R3HDM2: variants seen among roughly 807,000 people sequenced by gnomAD.
R3HDM2 encodes the protein R3H domain-containing protein 2.
Under a neutral mutation model 124.5 loss-of-function variants are expected in R3HDM2, and 38 were observed. The ratio of observed to expected loss-of-function variants is 0.31; its 90% CI spans 0.24 to 0.40. The LOEUF (loss-of-function observed/expected upper bound fraction) is 0.40. R3HDM2 is among the 10% of genes least tolerant of loss of function. R3HDM2 has a pLI of 1.00. For synonymous variants in R3HDM2, 391 were observed against 448.0 expected, an observed-to-expected ratio of 0.87 and a Z score of 1.61; for missense variants, 869 against 1,236.9, an observed-to-expected ratio of 0.70 and a Z score of 4.46.
intron 6 of R3HDM2, among the ~76,000 whole-genome samples, chr12:57,298,557 G>T (rs73340108): frequency 7.5e-4 from 114 of 151,946 alleles, no homozygotes; most frequent in African/African-American, 2.7e-3. Flanking sequence ...AATCCTGTTT[G>T]CCTTTTCTTA....
At chr12:57,356,903 C>G (rs958743157) in intron 2 of R3HDM2, among the ~76,000 whole-genome samples, 1 of 150,150 alleles carries the variant, frequency 6.7e-6, no homozygotes, top group Admixed American at 6.7e-5. Flanking sequence ...GTCAGGAAAT[C>G]GAGACCATCC....
intron 2 of R3HDM2, among the ~76,000 whole-genome samples, chr12:57,385,245 CTT>C (rs1162752283): frequency 1.1e-4 from 16 of 139,162 alleles, no homozygotes; most frequent in Admixed American, 1.4e-4. Context: ...AACTTAAAGA[CTT>C]TTTTTTTTTT....
intron 14 of R3HDM2, among the ~76,000 whole-genome samples, chr12:57,279,355 G>C (rs947664242): frequency 2.4e-4 from 37 of 151,062 alleles, no homozygotes; most frequent in Admixed American, 2.4e-3. Context: ...GCTAATTTTT[G>C]TATTTTTAGT....
intron 2 of R3HDM2, among the ~76,000 whole-genome samples, chr12:57,337,753 G>C (rs749811623): frequency 1.3e-5 from 2 of 152,090 alleles, no homozygotes; most frequent in Non-Finnish European, 2.9e-5. Context: ...CATGAAGAGG[G>C]TATCTTCTCA....
chr12:57,325,022 G>A (rs914221413), intron 2 of R3HDM2, among the ~76,000 whole-genome samples: 1 of 152,200 alleles, frequency 6.6e-6, no homozygotes, highest in African/African-American at 2.4e-5. Context: ...GAGAGAAGGT[G>A]ACCATCTGGA....
intron 2 of R3HDM2, among the ~76,000 whole-genome samples, chr12:57,346,131 T>C (rs1302936240): frequency 2.3e-5 from 3 of 130,580 alleles, no homozygotes. Flanking sequence ...CACTCCAGCC[T>C]GGGCAACAAG....
Position 57,254,746 on chromosome 12 carries a change from T to C in R3HDM2, c.*27A>G. 9 of 1,482,394 alleles carry C rather than the reference T, an allele frequency of 6.1e-6. No individual in the cohort carries two copies. Among genetic ancestry groups the C allele is most frequent in the Non-Finnish European group, 8.3e-6 (9 of 1,085,476 alleles). 91.8% of individuals were successfully genotyped at this position (1,482,394 alleles called of 1,614,324 possible). ...CCCTCCACCCTGCCCTTGCTCCTTC[T>C]GTGACAGTCCCTTTCCCCTCCTCCA... On this transcript the variant is annotated 3_prime_UTR_variant, in exon 24 of 24. Coordinates refer to ENST00000402412, the MANE Select transcript of R3HDM2 (RefSeq NM_001394031.1).
At chr12:57,343,314 C>T (rs984917029) in intron 2 of R3HDM2, among the ~76,000 whole-genome samples, 2 of 151,370 alleles carry the variant, frequency 1.3e-5, no homozygotes, top group African/African-American at 2.4e-5. Context: ...ATCAGCCTCC[C>T]GAGTAGCTAG....
At chr12:57,308,433 C>T (rs1186891052) in intron 3 of R3HDM2, among the ~76,000 whole-genome samples, 1 of 150,864 alleles carries the variant, frequency 6.6e-6, no homozygotes, top group African/African-American at 2.4e-5. Flanking sequence ...GCCTGCAATC[C>T]CAACACTTAG....
chr12:57,361,324 G>A (rs1397499525), intron 2 of R3HDM2, among the ~76,000 whole-genome samples: 1 of 144,218 alleles, frequency 6.9e-6, no homozygotes, highest in Non-Finnish European at 1.5e-5. Flanking sequence ...GCAGTGAGTC[G>A]AGATCGCGCC....
chr12:57,356,122 G>A (rs1347105348), intron 2 of R3HDM2, among the ~76,000 whole-genome samples: 1 of 152,010 alleles, frequency 6.6e-6, no homozygotes. Flanking sequence ...ATCAGTAAGA[G>A]CAAATACCCA....
intron 2 of R3HDM2, among the ~76,000 whole-genome samples, chr12:57,317,432 G>T (rs549654931): frequency 6.6e-6 from 1 of 151,676 alleles, no homozygotes; most frequent in Non-Finnish European, 1.5e-5. Context: ...CAATCCACCC[G>T]CCTTGGCCTC....
chr12:57,420,519 C>CTTTTTTTTT (rs759872645), intron 1 of R3HDM2, among the ~76,000 whole-genome samples: 1 of 124,902 alleles, frequency 8.0e-6, no homozygotes. Flanking sequence ...TACTGGTTTT[C>CTTTTTTTTT]TTTTTTTTTT....
chr12:57,285,909 T>C (rs563884656), intron 12 of R3HDM2, among the ~76,000 whole-genome samples: 3 of 152,332 alleles, frequency 2.0e-5, no homozygotes, highest in African/African-American at 7.2e-5. Flanking sequence ...AGCACTTCTA[T>C]ACTAATCCAG....
intron 14 of R3HDM2, among the ~76,000 whole-genome samples, 158 bp downstream of exon 14, chr12:57,280,199 CT>C (rs2137883506): frequency 6.6e-6 from 1 of 152,270 alleles, no homozygotes; most frequent in African/African-American, 2.4e-5. Context: ...GCTCAAGGTT[CT>C]TCTTTCCCTA....
intron 2 of R3HDM2, among the ~76,000 whole-genome samples, chr12:57,381,380 T>C (rs1199966520): frequency 6.6e-6 from 1 of 151,898 alleles, no homozygotes; most frequent in Non-Finnish European, 1.5e-5. Flanking sequence ...GGCGAAACCC[T>C]GTTTCTACAA....
In R3HDM2 at chr12:57,422,823, T is replaced by C. The variant is rs78426818; in HGVS notation, c.-106+7897A>G. Among the ~76,000 whole-genome samples, 13 of 151,282 alleles carry C rather than the reference T, an allele frequency of 8.6e-5. No homozygotes were observed. The East Asian group carries it at 2.4e-3, about 27-fold the overall frequency. ...CAGGAAGAACTCATCTCTACAAAATTAAAAAATAAAATTAGCTGGATGTGA... is the reference window on the plus strand; with the variant it reads ...CAGGAAGAACTCATCTCTACAAAATCAAAAAATAAAATTAGCTGGATGTGA... On this transcript the variant is annotated intron_variant, in intron 1 of 23. Transcript: ENST00000402412.
At chr12:57,323,963 C>A (rs2056873723) in intron 2 of R3HDM2, among the ~76,000 whole-genome samples, 1 of 152,076 alleles carries the variant, frequency 6.6e-6, no homozygotes, top group Non-Finnish European at 1.5e-5. Context: ...GAAAGAGACC[C>A]TGAAAGTTCA....
At chr12:57,412,874 G>A (rs911855449) in intron 1 of R3HDM2, among the ~76,000 whole-genome samples, 13 of 151,110 alleles carry the variant, frequency 8.6e-5, no homozygotes, top group South Asian at 2.1e-4. Flanking sequence ...GGCACGGGCC[G>A]GGTGCAGTGG....
Sources: allele counts gnomAD v4.1 joint callset (sites outside exome capture counted in the v4.1 genomes callset), GRCh38; gene constraint gnomAD v4.1.1; transcripts MANE v1.5; gene names NCBI Gene and HGNC (gene_info 2026-07-23, HGNC 2026-07-21).